Variants in SPAG16 observed in about 807,000 individuals in gnomAD.
SPAG16 encodes sperm associated antigen 16, also known as sperm-associated antigen 16 protein.
A neutral mutation model predicts 80.4 loss-of-function variants in SPAG16; 86 were observed. That is an observed-to-expected ratio of 1.07 (90% CI 0.90 to 1.28). SPAG16 has a LOEUF of 1.28. Ranked by LOEUF, SPAG16 falls within the 50% of genes most tolerant of loss-of-function variation. The pLI, the probability that SPAG16 is intolerant of heterozygous loss-of-function variation, is 0.00. For missense variants in SPAG16, 870 were observed against 765.3 expected (o/e 1.14, Z -1.61); for synonymous variants, 294 against 265.9 (o/e 1.11, Z -1.03).
intron 10 of SPAG16, among the ~76,000 whole-genome samples, chr2:213,739,709 C>T (rs1412323014): frequency 6.6e-6 from 1 of 152,206 alleles, no homozygotes; most frequent in Non-Finnish European, 1.5e-5. Context: ...TCAAGTGATT[C>T]TCCTGCCTCA....
At chr2:213,319,130 CG>C (rs2063517855) in intron 5 of SPAG16, among the ~76,000 whole-genome samples, 1 of 151,774 alleles carries the variant, frequency 6.6e-6, no homozygotes, top group African/African-American at 2.4e-5. Flanking sequence ...AAGCAGAGTT[CG>C]TGTTTTATTT....
At chr2:214,359,314 G>A (rs1317241700) in intron 15 of SPAG16, among the ~76,000 whole-genome samples, 1 of 151,752 alleles carries the variant, frequency 6.6e-6, no homozygotes, top group Non-Finnish European at 1.5e-5. Flanking sequence ...TTAAACTCAG[G>A]TCTGCCTGAC....
chr2:214,163,292 T>A (rs2056521785), intron 15 of SPAG16, among the ~76,000 whole-genome samples: 1 of 152,032 alleles, frequency 6.6e-6, no homozygotes, highest in African/African-American at 2.4e-5. Context: ...TTATGTCATA[T>A]TTTCCAAGTA....
At chr2:214,199,096 T>G (rs762302064) in intron 15 of SPAG16, among the ~76,000 whole-genome samples, 8 of 152,050 alleles carry the variant, frequency 5.3e-5, no homozygotes, top group Non-Finnish European at 1.2e-4. Flanking sequence ...TGCGGAGGCT[T>G]TTTCATTTAA....
At chr2:214,327,376 C>T (rs1696569446) in intron 15 of SPAG16, among the ~76,000 whole-genome samples, 1 of 152,172 alleles carries the variant, frequency 6.6e-6, no homozygotes, top group South Asian at 2.1e-4. Context: ...GTTACTTAAC[C>T]TCTCTGTGCC....
intron 12 of SPAG16, among the ~76,000 whole-genome samples, chr2:213,971,315 T>C (rs2045038127): frequency 2.6e-5 from 4 of 152,154 alleles, no homozygotes; most frequent in Non-Finnish European, 1.5e-5. Context: ...TATTTACCTC[T>C]ACATTGAATG....
At chr2:213,999,777 A>T (rs2046700157) in intron 12 of SPAG16, among the ~76,000 whole-genome samples, 1 of 152,220 alleles carries the variant, frequency 6.6e-6, no homozygotes, top group Non-Finnish European at 1.5e-5. Context: ...CATCAGCGTG[A>T]CCTGGATGTG....
intron 10 of SPAG16, among the ~76,000 whole-genome samples, chr2:213,514,360 C>G (rs1317023433): frequency 6.6e-6 from 1 of 151,980 alleles, no homozygotes; most frequent in African/African-American, 2.4e-5. Context: ...AGTGAGCCCT[C>G]AACTTTGAAG....
chr2:214,032,916 C>T (rs1052731190), intron 13 of SPAG16, among the ~76,000 whole-genome samples: 4 of 152,032 alleles, frequency 2.6e-5, no homozygotes, highest in Admixed American at 6.6e-5. Context: ...CCATAAAATG[C>T]TTTTTTTATG....
intron 13 of SPAG16, among the ~76,000 whole-genome samples, chr2:214,028,138 A>G (rs758635735): frequency 1.8e-4 from 28 of 151,946 alleles, no homozygotes; most frequent in African/African-American, 2.9e-4. Flanking sequence ...TGGGTCCCCA[A>G]TTACACTGAA....
chr2:214,280,885 C>T, intron 15 of SPAG16: 2 of 426,774 alleles, frequency 4.7e-6, no homozygotes, highest in South Asian at 2.0e-5. Context: ...TCATCTTCCT[C>T]TACTTAGTAG....
At chr2:213,757,349 A>G (rs1184892419) in intron 10 of SPAG16, among the ~76,000 whole-genome samples, 1 of 152,142 alleles carries the variant, frequency 6.6e-6, no homozygotes, top group East Asian at 1.9e-4. Flanking sequence ...TCTGAAATAG[A>G]AAAAGCAATT....
At chr2:213,355,256 G>A (rs933984695) in intron 7 of SPAG16, among the ~76,000 whole-genome samples, 5 of 152,150 alleles carry the variant, frequency 3.3e-5, no homozygotes, top group African/African-American at 1.2e-4. Context: ...ATGCTATTTT[G>A]GTTATTGTAG....
intron 15 of SPAG16, among the ~76,000 whole-genome samples, chr2:214,169,208 A>G (rs1187365966): frequency 2.0e-5 from 3 of 152,076 alleles, no homozygotes; most frequent in East Asian, 1.9e-4. Context: ...CTTGGACTAT[A>G]ATAGTATCTG....
chr2:213,627,688 G>A (rs928239797), intron 10 of SPAG16, among the ~76,000 whole-genome samples: 4 of 152,208 alleles, frequency 2.6e-5, no homozygotes, highest in Non-Finnish European at 5.9e-5. Flanking sequence ...TTGAAAGAAT[G>A]AGAATGAATA....
At chr2:213,829,765 C>T (rs113106353) in intron 10 of SPAG16, among the ~76,000 whole-genome samples, 1 of 152,172 alleles carries the variant, frequency 6.6e-6, no homozygotes, top group African/African-American at 2.4e-5. Context: ...AGCAGGTTCC[C>T]TTCTGGCCCA....
intron 10 of SPAG16, among the ~76,000 whole-genome samples, chr2:213,500,310 A>G (rs952840604): frequency 6.6e-6 from 1 of 152,212 alleles, no homozygotes; most frequent in Non-Finnish European, 1.5e-5. Flanking sequence ...TGATATATGA[A>G]TGTCACAGAT....
intron 15 of SPAG16, among the ~76,000 whole-genome samples, chr2:214,313,720 T>C (rs1352490327): frequency 6.6e-6 from 1 of 152,140 alleles, no homozygotes; most frequent in East Asian, 1.9e-4. Flanking sequence ...CCAAGTTCTT[T>C]GGTTTTATTT....
At chr2:213,857,003 A>T (rs1301343086) in intron 10 of SPAG16, among the ~76,000 whole-genome samples, 1 of 152,140 alleles carries the variant, frequency 6.6e-6, no homozygotes, top group African/African-American at 2.4e-5. Context: ...GCCAAGGAGG[A>T]TGGGTCACCT....
Sources: gnomAD v4.1 joint callset for allele counts (sites outside exome capture counted in the v4.1 genomes callset) on GRCh38, gnomAD v4.1.1 for gene constraint, MANE v1.5 for transcripts, NCBI Gene and HGNC (gene_info 2026-07-23, HGNC 2026-07-21) for gene names.